The following PKNOX2 variants were observed in gnomAD, a reference collection of about 807,000 sequenced individuals.
PKNOX2 encodes the protein PBX/knotted 1 homeobox 2, also known as homeobox protein PKNOX2.
PKNOX2 carries 14 observed loss-of-function variants against 53.1 expected under a neutral mutation model. That is an observed-to-expected ratio of 0.26 (90% CI 0.17 to 0.41). The LOEUF is 0.41. Ranked by LOEUF, PKNOX2 falls within the 10% of genes least tolerant of loss-of-function variation. The pLI is 1.00. For synonymous variants in PKNOX2, 257 were observed against 242.8 expected, an observed-to-expected ratio of 1.06 and a Z score of -0.54; for missense variants, 496 against 602.8, an observed-to-expected ratio of 0.82 and a Z score of 1.85.
intron 2 of PKNOX2, among the ~76,000 whole-genome samples, chr11:125,315,336 C>G (rs1051676283): frequency 2.1e-5 from 3 of 140,048 alleles, no homozygotes; most frequent in Non-Finnish European, 3.1e-5. Context: ...AAACACCTCT[C>G]TCTGCATTAA....
At chr11:125,186,896 T>C (rs1956476916) in intron 1 of PKNOX2, among the ~76,000 whole-genome samples, 1 of 152,204 alleles carries the variant, frequency 6.6e-6, no homozygotes, top group African/African-American at 2.4e-5. Context: ...GCATGGGGTG[T>C]GAGGTAGGGC....
intron 3 of PKNOX2, among the ~76,000 whole-genome samples, chr11:125,338,321 G>A (rs1950523041): frequency 6.6e-6 from 1 of 152,192 alleles, no homozygotes; most frequent in Non-Finnish European, 1.5e-5. Flanking sequence ...TTTATGAACT[G>A]CAGGACAAAG....
chr11:125,182,944 A>G (rs140625238), intron 1 of PKNOX2, among the ~76,000 whole-genome samples: 2,068 of 152,340 alleles, frequency 0.014, 24 homozygotes, highest in South Asian at 0.022. Context: ...TCTGGAAAAT[A>G]GGAAGGCTCA....
intron 1 of PKNOX2, among the ~76,000 whole-genome samples, chr11:125,198,789 C>T (rs1355118941): frequency 6.6e-6 from 1 of 151,840 alleles, no homozygotes; most frequent in Non-Finnish European, 1.5e-5. Flanking sequence ...ACCTCTCCCT[C>T]ACCTCTCTCC....
At chr11:125,328,705 C>T (rs775834495) in intron 2 of PKNOX2, among the ~76,000 whole-genome samples, 4 of 152,316 alleles carry the variant, frequency 2.6e-5, no homozygotes, top group Non-Finnish European at 5.9e-5. Flanking sequence ...ACTGCAGGCA[C>T]TCTCTTTGGA....
At chr11:125,399,469 G>A (rs1161473603) in intron 7 of PKNOX2, among the ~76,000 whole-genome samples, 1 of 152,196 alleles carries the variant, frequency 6.6e-6, no homozygotes, top group East Asian at 1.9e-4. Context: ...TGATGGGAGA[G>A]ATGCAAGATA....
At chr11:125,205,445 G>A (rs1938977890) in intron 1 of PKNOX2, among the ~76,000 whole-genome samples, 1 of 152,212 alleles carries the variant, frequency 6.6e-6, no homozygotes, top group Non-Finnish European at 1.5e-5. Context: ...GGAGGGCAAA[G>A]ATACTTTTGG....
At chr11:125,235,757 C>T (rs1942623438) in intron 2 of PKNOX2, among the ~76,000 whole-genome samples, 2 of 152,326 alleles carry the variant, frequency 1.3e-5, no homozygotes, top group South Asian at 4.1e-4. Context: ...TGAAATTCCG[C>T]AGCATTCACA....
rs779497068 is a variant in PKNOX2 at position 125,309,213 on chromosome 11, T to C, written c.-129-22606T>C. ...CTTCCTTCCTCTCTCTTCCTTCCTT[T>C]CTCTCTCTCTTTCTTCCTTCCTTCC... On this transcript the variant is annotated intron_variant, in intron 2 of 12. Transcript: ENST00000298282. 8.7e-4 allele frequency among the ~76,000 whole-genome samples: 129 copies of C among 148,472 alleles called. 1 individual carries two copies. Among genetic ancestry groups the C allele is most frequent in the African/African-American group, 3.2e-3 (124 of 39,274 alleles).
At chr11:125,369,687 C>T (rs900175577) in intron 5 of PKNOX2, among the ~76,000 whole-genome samples, 11 of 152,262 alleles carry the variant, frequency 7.2e-5, no homozygotes, top group South Asian at 2.1e-4. Context: ...AGGAGAGGAC[C>T]TTCCAGGACC....
intron 2 of PKNOX2, among the ~76,000 whole-genome samples, chr11:125,255,893 A>T (rs969928611): frequency 4.6e-5 from 7 of 151,898 alleles, no homozygotes; most frequent in Admixed American, 1.3e-4. Context: ...CCTTGCCCAC[A>T]GCTAGAAGTC....
At chr11:125,344,523 G>C (rs1164879896) in intron 3 of PKNOX2, among the ~76,000 whole-genome samples, 1 of 152,214 alleles carries the variant, frequency 6.6e-6, no homozygotes, top group Non-Finnish European at 1.5e-5. Flanking sequence ...GTCAGAAGCA[G>C]GCAGTCCTAG....
At position 125,367,913 on chromosome 11, in the gene PKNOX2, C is replaced by A. The variant is rs1181529858; in HGVS notation, c.155C>A (p.Ala52Asp). The A allele has an allele frequency of 6.2e-7, 1 of 1,613,756 alleles. No homozygotes were observed. ...CACATCTCTGCCCCCTCAGCTGCTG[C>A]CAGCACACCTGTGCCCAGTGCCCCC... Reference protein sequence around the residue: ...AVHISAPSAAASTPVPSAPID... With the variant: ...AVHISAPSAADSTPVPSAPID... The change falls in exon 5 of 13, where the codon GCC (alanine) becomes GAC (aspartate). Residue 52 changes from alanine (A) to aspartate (D), a missense_variant. By Grantham distance (126) the Ala-to-Asp change is moderately radical. This residue lies in a region of PKNOX2 where 168 missense variants were observed against 178.4 expected (regional missense o/e 0.94). Transcript: ENST00000298282.
At chr11:125,381,574 G>A (rs1042268812) in intron 5 of PKNOX2, among the ~76,000 whole-genome samples, 29 of 152,176 alleles carry the variant, frequency 1.9e-4, no homozygotes, top group African/African-American at 6.0e-4. Context: ...TGGAAGTGAA[G>A]GAGGTTTAGA....
At chr11:125,273,242 G>A (rs1019549865) in intron 2 of PKNOX2, among the ~76,000 whole-genome samples, 4 of 152,210 alleles carry the variant, frequency 2.6e-5, no homozygotes, top group East Asian at 1.9e-4. Flanking sequence ...ACCCAGAGGA[G>A]CAGCTGAAAA....
In PKNOX2 at chr11:125,370,343, A is replaced by C. The variant is rs904009612; in HGVS notation, c.227+2358A>C. Among the ~76,000 whole-genome samples the C allele has an allele frequency of 1.3e-5, 2 of 152,124 alleles. No individual in the cohort carries two copies. The highest frequency in any genetic ancestry group is 2.9e-5 in the Non-Finnish European group (2 of 68,016). Reference sequence around the variant, plus strand: ...TCTCACAATCCCAGGCTCGTACCCTACCCAGGCCAACCTGCAGGAGAGGTG... The same window carrying C: ...TCTCACAATCCCAGGCTCGTACCCTCCCCAGGCCAACCTGCAGGAGAGGTG... On this transcript the variant is annotated intron_variant, in intron 5 of 12. Coordinates refer to ENST00000298282, the MANE Select transcript of PKNOX2 (RefSeq NM_001382323.2). The surrounding 1 kb of genome is among the most constrained non-coding windows in gnomAD (Gnocchi z 4.1).
intron 3 of PKNOX2, among the ~76,000 whole-genome samples, chr11:125,333,076 G>A (rs1280137833): frequency 1.3e-5 from 2 of 152,206 alleles, no homozygotes; most frequent in African/African-American, 4.8e-5. Context: ...GGGGCAAGTT[G>A]AGCCTTTTCA....
intron 1 of PKNOX2, among the ~76,000 whole-genome samples, chr11:125,178,609 G>GGAAAGAAAGAAAGAAAGAAAGAAA (rs369928323): frequency 2.2e-5 from 1 of 46,254 alleles, no homozygotes; most frequent in African/African-American, 1.3e-4. Context: ...AAGGAAGGAA[G>GGAAAGAAAGAAAGAAAGAAAGAAA]GAAAGAAAGA....
chr11:125,223,184 C>A (rs887299309), intron 1 of PKNOX2, among the ~76,000 whole-genome samples: 1 of 152,044 alleles, frequency 6.6e-6, no homozygotes, highest in East Asian at 1.9e-4. Flanking sequence ...GGCCAACCCT[C>A]CATACCTCAG....
Sources: allele counts gnomAD v4.1 joint callset (sites outside exome capture counted in the v4.1 genomes callset), GRCh38; gene constraint gnomAD v4.1.1; regional missense constraint gnomAD v4.1.1; non-coding constraint Gnocchi (gnomAD v3.1); transcripts MANE v1.5; gene names NCBI Gene and HGNC (gene_info 2026-07-23, HGNC 2026-07-21).